The following SNTG1 variants were observed in gnomAD, a reference collection of about 807,000 sequenced individuals.
The protein encoded by SNTG1 is syntrophin gamma 1, also known as gamma-1-syntrophin.
SNTG1 carries 39 observed loss-of-function variants against 74.7 expected under a neutral mutation model. The observed-to-expected ratio is 0.52, with a 90% CI of 0.40 to 0.68. SNTG1 has a LOEUF of 0.68. SNTG1 is among the 30% of genes least tolerant of loss of function. The pLI, the probability that SNTG1 is intolerant of heterozygous loss-of-function variation, is 0.00. For synonymous variants in SNTG1, 254 were observed against 217.1 expected (o/e 1.17, Z -1.49); for missense variants, 685 against 609.5 (o/e 1.12, Z -1.30).
intron 13 of SNTG1, among the ~76,000 whole-genome samples, chr8:50,650,199 A>G (rs1449185959): frequency 6.6e-6 from 1 of 152,138 alleles, no homozygotes; most frequent in East Asian, 1.9e-4. Context: ...TAAAGATTCT[A>G]TCATGAATAC....
Position 50,124,634 on chromosome 8 carries a change from C to T in SNTG1, c.-102-47927C>T. Among the ~76,000 whole-genome samples, 2 of 141,954 alleles carry T rather than the reference C, an allele frequency of 1.4e-5. 1 individual carries two copies. Among genetic ancestry groups the T allele is most frequent in the Non-Finnish European group, 3.1e-5 (2 of 63,696 alleles). The allele number at this position is 141,954 out of a possible 152,430, so 93.1% of individuals were successfully genotyped here. A position where few individuals can be genotyped will look rare whatever the true frequency, so the allele number is the denominator to read the frequency against. On this transcript the variant is annotated intron_variant, in intron 1 of 18. Coordinates refer to ENST00000642720, the MANE Select transcript of SNTG1 (RefSeq NM_018967.5). ...TTGAAGCTTTACTTTTAATCCTCTG[C>T]TTATAAATTATTGATATAGCTTCAA...
rs531067026 is a variant in SNTG1, at chr8:50,788,596, G to A, written c.1396-4075G>A. Among the ~76,000 whole-genome samples the A allele has an allele frequency of 2.1e-4, 32 of 151,848 alleles. 1 individual carries two copies. The highest frequency in any genetic ancestry group is 1.9e-3 in the Admixed American group (29 of 15,176). Reference sequence around the variant, plus strand: ...TGATTGCAAAAATTCAAAAAATTGCGGTCTCAGGCATAAATGGGTTGAAAG... The same window carrying A: ...TGATTGCAAAAATTCAAAAAATTGCAGTCTCAGGCATAAATGGGTTGAAAG... On this transcript the variant is annotated intron_variant, in intron 18 of 18. Transcript: ENST00000642720.
intron 1 of SNTG1, among the ~76,000 whole-genome samples, chr8:49,964,441 T>C (rs763723783): frequency 1.3e-5 from 2 of 152,228 alleles, no homozygotes; most frequent in Non-Finnish European, 2.9e-5. Flanking sequence ...TAGTTCTCTC[T>C]CTCTCTACAT....
chr8:50,556,707 C>T (rs1405204756), intron 12 of SNTG1, among the ~76,000 whole-genome samples: 1 of 152,124 alleles, frequency 6.6e-6, no homozygotes, highest in Non-Finnish European at 1.5e-5. Context: ...TATGAATCAT[C>T]AGACTTTGAT....
chr8:50,206,554 T>A (rs1289257783), intron 2 of SNTG1, among the ~76,000 whole-genome samples: 1 of 152,176 alleles, frequency 6.6e-6, no homozygotes, highest in Non-Finnish European at 1.5e-5. Flanking sequence ...TGAATACCCT[T>A]TATTTCTTTC....
intron 10 of SNTG1, among the ~76,000 whole-genome samples, chr8:50,530,579 A>G (rs986699465): frequency 6.6e-6 from 1 of 152,164 alleles, no homozygotes; most frequent in African/African-American, 2.4e-5. Context: ...CTTTGACATT[A>G]GTTTTCTCAC....
chr8:49,987,146 A>G (rs1237383810), intron 1 of SNTG1, among the ~76,000 whole-genome samples: 1 of 152,230 alleles, frequency 6.6e-6, no homozygotes, highest in Non-Finnish European at 1.5e-5. Flanking sequence ...TTGAAGTGTC[A>G]TACTGGACCC....
At position 50,659,382 on chromosome 8, in the gene SNTG1, G is replaced by T. The variant is rs991294331; in HGVS notation, c.1038+719G>T. On this transcript the variant is annotated intron_variant, in intron 15 of 18. Transcript: ENST00000642720. ...ACCACAGATTGATAATTAAATTCCT[G>T]CATAAGGTTGACCTTGTTTCTGTAT... 2.0e-5 allele frequency among the ~76,000 whole-genome samples: 3 copies of T among 152,262 alleles called. No homozygotes were observed. In the East Asian group the frequency reaches 5.8e-4, roughly 29 times the overall value.
chr8:50,736,404 C>T (rs957559297), intron 17 of SNTG1, among the ~76,000 whole-genome samples: 1 of 152,082 alleles, frequency 6.6e-6, no homozygotes, highest in Non-Finnish European at 1.5e-5. Flanking sequence ...GCACCCAATA[C>T]AGGAGCACTC....
At chr8:50,168,835 T>C (rs1194363052) in intron 1 of SNTG1, among the ~76,000 whole-genome samples, 1 of 152,178 alleles carries the variant, frequency 6.6e-6, no homozygotes, top group Non-Finnish European at 1.5e-5. Flanking sequence ...CAGTGTACAC[T>C]TCACCCAACT....
At chr8:49,982,918 T>G (rs995456818) in intron 1 of SNTG1, among the ~76,000 whole-genome samples, 1 of 152,206 alleles carries the variant, frequency 6.6e-6, no homozygotes, top group African/African-American at 2.4e-5. Context: ...TCCAATTCAA[T>G]TGAGTTGTAA....
chr8:49,919,551 CT>C (rs986151416), intron 1 of SNTG1, among the ~76,000 whole-genome samples: 203 of 151,746 alleles, frequency 1.3e-3, no homozygotes, highest in Non-Finnish European at 9.1e-4. Flanking sequence ...TCTCTAAAAG[CT>C]TTTTTTTCCT....
At chr8:50,491,563 G>A (rs2093853895) in intron 8 of SNTG1, 1 of 152,234 alleles carries the variant, frequency 6.6e-6, no homozygotes, top group African/African-American at 2.4e-5. Flanking sequence ...CAGCCCCTTA[G>A]CTCCCATGCC....
chr8:50,244,115 G>T (rs1007656425), intron 2 of SNTG1, among the ~76,000 whole-genome samples: 3 of 152,114 alleles, frequency 2.0e-5, no homozygotes, highest in Admixed American at 6.6e-5. Flanking sequence ...AGAAAGTGAA[G>T]TGGGAGCAGA....
chr8:50,269,833 G>T (rs1230161210), intron 2 of SNTG1, among the ~76,000 whole-genome samples: 4 of 152,088 alleles, frequency 2.6e-5, no homozygotes, highest in Non-Finnish European at 2.9e-5. Flanking sequence ...AGTATGTGGG[G>T]AGTTACATAA....
chr8:50,455,689 T>G (rs1321228178), intron 8 of SNTG1, among the ~76,000 whole-genome samples: 1 of 152,174 alleles, frequency 6.6e-6, no homozygotes, highest in Non-Finnish European at 1.5e-5. Context: ...AATACAAGAG[T>G]TATAACAAAT....
At chr8:50,413,138 G>A (rs2092970469) in intron 4 of SNTG1, among the ~76,000 whole-genome samples, 1 of 152,120 alleles carries the variant, frequency 6.6e-6, no homozygotes, top group Admixed American at 6.6e-5. Flanking sequence ...AAAAAGATAT[G>A]TCATTATTTA....
intron 4 of SNTG1, among the ~76,000 whole-genome samples, chr8:50,428,895 AT>A (rs1388681796): frequency 2.0e-5 from 3 of 152,142 alleles, no homozygotes; most frequent in Non-Finnish European, 1.5e-5. Context: ...CCCATTGTTC[AT>A]TTAAAGTAGC....
chr8:50,708,842 G>A (rs767205740), intron 16 of SNTG1, 44 bp from the exon 17 acceptor site: 1 of 1,244,478 alleles, frequency 8.0e-7, no homozygotes, highest in Admixed American at 1.7e-5. Context: ...TATTGATATT[G>A]CATCAATAAC....
Sources: gnomAD v4.1 joint callset for allele counts (sites outside exome capture counted in the v4.1 genomes callset) on GRCh38, gnomAD v4.1.1 for gene constraint, MANE v1.5 for transcripts, NCBI Gene and HGNC (gene_info 2026-07-23, HGNC 2026-07-21) for gene names.